The following LRBA variants were observed in gnomAD, a reference collection of about 807,000 sequenced individuals.
The protein encoded by LRBA is lipopolysaccharide-responsive and beige-like anchor protein.
Under a neutral mutation model 330.0 loss-of-function variants are expected in LRBA, and 176 were observed. The observed-to-expected ratio is 0.53, with a 90% CI of 0.47 to 0.60. The LOEUF is 0.60. LRBA is among the 20% of genes least tolerant of loss of function. LRBA has a pLI of 0.00. For missense variants in LRBA, 3,259 were observed against 3,444.8 expected (o/e 0.95, Z 1.35); for synonymous variants, 1,230 against 1,193.0 (o/e 1.03, Z -0.64).
intron 39 of LRBA, among the ~76,000 whole-genome samples, chr4:150,589,632 C>G (rs897942344): frequency 3.3e-5 from 5 of 152,234 alleles, no homozygotes; most frequent in African/African-American, 9.6e-5. Flanking sequence ...CTAGGTCCTA[C>G]AGAAGACCCC....
At chr4:150,509,302 C>A (rs993297072) in intron 40 of LRBA, among the ~76,000 whole-genome samples, 2 of 151,408 alleles carry the variant, frequency 1.3e-5, no homozygotes, top group Non-Finnish European at 2.9e-5. Context: ...ATCTAAATAA[C>A]CTATGAGTAA....
intron 2 of LRBA, among the ~76,000 whole-genome samples, chr4:150,996,012 T>C (rs1206325058): frequency 6.8e-6 from 1 of 146,382 alleles, no homozygotes; most frequent in Non-Finnish European, 1.5e-5. Flanking sequence ...GTGAGCAAGG[T>C]AGAAATGAAG....
chr4:150,827,539 T>C (rs1013251343), intron 30 of LRBA, among the ~76,000 whole-genome samples: 4 of 152,118 alleles, frequency 2.6e-5, no homozygotes, highest in Admixed American at 6.6e-5. Flanking sequence ...AAGATCTTTA[T>C]GATGATTCGC....
chr4:150,796,745 C>T (rs2126665947), intron 34 of LRBA, among the ~76,000 whole-genome samples: 1 of 151,902 alleles, frequency 6.6e-6, no homozygotes, highest in South Asian at 2.1e-4. Flanking sequence ...GAAAATTCAC[C>T]TATGAAATAA....
At chr4:150,897,641 A>C in intron 15 of LRBA, 98 bp downstream of exon 15, 1 of 847,082 alleles carries the variant, frequency 1.2e-6, no homozygotes, top group Non-Finnish European at 1.9e-6. Context: ...GTGTAACCAC[A>C]GTAACCAAGC....
At chr4:150,916,151 C>T (rs1662140856) in intron 7 of LRBA, among the ~76,000 whole-genome samples, 1 of 152,088 alleles carries the variant, frequency 6.6e-6, no homozygotes, top group Non-Finnish European at 1.5e-5. Flanking sequence ...ATTAAATTTG[C>T]AATACTAAAA....
At chr4:150,919,012 C>A (rs187959526) in intron 5 of LRBA, among the ~76,000 whole-genome samples, 98 of 152,228 alleles carry the variant, frequency 6.4e-4, no homozygotes, top group African/African-American at 2.1e-3. Flanking sequence ...CCCAAATATT[C>A]ACTAGTTGAC....
intron 40 of LRBA, among the ~76,000 whole-genome samples, chr4:150,505,882 T>C (rs1183412309): frequency 1.3e-5 from 2 of 152,052 alleles, no homozygotes; most frequent in East Asian, 3.9e-4. Context: ...TAATAAAAAA[T>C]GAGAAAGGGG....
intron 47 of LRBA, among the ~76,000 whole-genome samples, chr4:150,394,618 T>C (rs1561114218): frequency 6.6e-6 from 1 of 152,196 alleles, no homozygotes; most frequent in East Asian, 1.9e-4. Flanking sequence ...CTGGCAGGCA[T>C]GGCTATTGTC....
intron 44 of LRBA, 66 bp downstream of exon 44, chr4:150,467,606 CG>C (rs1755599909): frequency 2.0e-6 from 2 of 986,676 alleles, no homozygotes. Context: ...AGTAAAATAA[CG>C]AAAGACAATC....
chr4:150,463,605 GCATAAGGTAACCTTATTTCT>G (rs1755055259), intron 44 of LRBA, among the ~76,000 whole-genome samples: 1 of 151,818 alleles, frequency 6.6e-6, no homozygotes, highest in South Asian at 2.1e-4. Context: ...ATCTACTGGG[GCATAAGGTAACCTTATTTCT>G]CATATCCTGA....
At chr4:150,856,326 AT>A (rs1751229116) in intron 22 of LRBA, among the ~76,000 whole-genome samples, 1 of 152,002 alleles carries the variant, frequency 6.6e-6, no homozygotes. Context: ...TGCTATTGGG[AT>A]CTCCCTTTCT....
chr4:150,890,181 A>G (rs561862281), intron 17 of LRBA, among the ~76,000 whole-genome samples: 1 of 152,316 alleles, frequency 6.6e-6, no homozygotes, highest in South Asian at 2.1e-4. Context: ...CACTGCTGAC[A>G]GGAAGAGTTG....
At chr4:150,578,079 G>A (rs986204373) in intron 40 of LRBA, among the ~76,000 whole-genome samples, 2 of 152,154 alleles carry the variant, frequency 1.3e-5, no homozygotes, top group Non-Finnish European at 2.9e-5. Flanking sequence ...TCCTATAAAT[G>A]GAAGACAGGA....
chr4:150,991,753 G>A lies in LRBA; in HGVS notation c.216+22674C>T, dbSNP rs184408401. On this transcript the variant is annotated intron_variant, in intron 2 of 56. Transcript: ENST00000651943. ...CAAATGTGATGGTTGTTATATGACC[G>A]TATACATCAATCTACACAACTCAAA... Among the ~76,000 whole-genome samples the A allele has an allele frequency of 3.2e-4, 49 of 152,096 alleles. No individual in the cohort carries two copies. The East Asian group carries it at 8.0e-3, about 25-fold the overall frequency.
At chr4:150,836,442 T>G (rs1209514715) in intron 28 of LRBA, among the ~76,000 whole-genome samples, 1 of 152,212 alleles carries the variant, frequency 6.6e-6, no homozygotes, top group Non-Finnish European at 1.5e-5. Flanking sequence ...GGACTTTTTT[T>G]GGTTGTTAGG....
At chr4:150,548,704 T>C (rs951299393) in intron 40 of LRBA, among the ~76,000 whole-genome samples, 1 of 152,232 alleles carries the variant, frequency 6.6e-6, no homozygotes, top group African/African-American at 2.4e-5. Context: ...TTGGAACCTG[T>C]ATCACAACTC....
intron 2 of LRBA, among the ~76,000 whole-genome samples, chr4:150,979,987 G>C (rs977251940): frequency 1.3e-5 from 2 of 152,098 alleles, no homozygotes; most frequent in Non-Finnish European, 2.9e-5. Flanking sequence ...GTATTACCCT[G>C]ATACCAAAAG....
chr4:150,550,182 C>T (rs1766404731), intron 40 of LRBA, among the ~76,000 whole-genome samples: 1 of 152,010 alleles, frequency 6.6e-6, no homozygotes, highest in Non-Finnish European at 1.5e-5. Context: ...TAAAGTAAAA[C>T]TTTAAACACT....
Sources: gnomAD v4.1 joint callset for allele counts (sites outside exome capture counted in the v4.1 genomes callset) on GRCh38, gnomAD v4.1.1 for gene constraint, MANE v1.5 for transcripts, NCBI Gene and HGNC (gene_info 2026-07-23, HGNC 2026-07-21) for gene names.